ARFRP1: variants seen among roughly 807,000 people sequenced by gnomAD.
ARFRP1 encodes ADP-ribosylation factor-related protein 1.
ARFRP1 carries 19 observed loss-of-function variants against 30.3 expected under a neutral mutation model. The ratio of observed to expected loss-of-function variants is 0.63; its 90% confidence interval spans 0.44 to 0.92. ARFRP1 has a LOEUF of 0.92. Among genes scored for constraint, ARFRP1 ranks in the 40% least tolerant of loss-of-function variants. ARFRP1 has a pLI of 0.00. For synonymous variants in ARFRP1, 133 were observed against 114.2 expected (o/e 1.16, Z -1.05); for missense variants, 245 against 267.5 (o/e 0.92, Z 0.59).
At chr20:63,704,503 A>C (rs1211237625) in intron 4 of ARFRP1, 1 of 152,062 alleles carries the variant, frequency 6.6e-6, no homozygotes, top group Non-Finnish European at 1.5e-5. Context: ...GTGTCTGGAG[A>C]AGGGCTCAGA....
Position 63,698,824 on chromosome 20 carries a change from T to C in ARFRP1, c.*1619A>G. 2 of 361,206 alleles carry C rather than the reference T, an allele frequency of 5.5e-6. No homozygotes were observed. Among genetic ancestry groups the C allele is most frequent in the African/African-American group, 2.1e-5 (1 of 47,104 alleles). The allele number at this position is 361,206 out of a possible 1,614,324, so 22.4% of individuals were successfully genotyped here. A position where few individuals can be genotyped will look rare whatever the true frequency, so the allele number is the denominator to read the frequency against. On this transcript the variant is annotated 3_prime_UTR_variant, in exon 8 of 8. Transcript: ENST00000622789. Reference sequence around the variant, plus strand: ...CTCAGACAGACCCTCCCTGGGAGGATCAGTGGGGAGTGCCACCTCTGCCCC... The same window carrying C: ...CTCAGACAGACCCTCCCTGGGAGGACCAGTGGGGAGTGCCACCTCTGCCCC...
In ARFRP1 at chr20:63,707,110, A is replaced by G. The variant is rs760331612; in HGVS notation, c.-6-13T>C. 8.2e-6 allele frequency: 13 copies of G among 1,590,802 alleles called. No homozygotes were observed. The East Asian group carries it at 2.8e-4, about 34-fold the overall frequency. On this transcript the variant is annotated splice_polypyrimidine_tract_variant and intron_variant, in intron 1 of 7. Transcript: ENST00000622789. The stretch of plus-strand genomic sequence containing the variant: ...TGTACATCCTGCCCTGGGCACCCCA[A>G]CATAGGTCAGTGTGCAGCCAGAAAG...
chr20:63,701,564 C>A, intron 6 of ARFRP1: 1 of 585,186 alleles, frequency 1.7e-6, no homozygotes, highest in South Asian at 2.0e-5. Context: ...GACACGGCCG[C>A]CCTCCTGGGG....
Position 63,700,126 on chromosome 20 carries a change from G to A in ARFRP1, c.*317C>T. 2.5e-6 allele frequency: 1 copy of A among 402,670 alleles called. No homozygotes were observed. The highest frequency in any genetic ancestry group is 4.7e-6 in the Non-Finnish European group (1 of 212,014). The allele number at this position is 402,670 out of a possible 1,614,324, so 24.9% of individuals were successfully genotyped here. A position where few individuals can be genotyped will look rare whatever the true frequency, so the allele number is the denominator to read the frequency against. ...GTCCTCATGCAGCCCAAGCCAGCCT[G>A]AGCACTGGAGCCCCAATTCCCAACC... On this transcript the variant is annotated 3_prime_UTR_variant, in exon 8 of 8. Transcript: ENST00000622789.
At chr20:63,701,533 A>T in intron 6 of ARFRP1, 1 of 565,912 alleles carries the variant, frequency 1.8e-6, no homozygotes, top group East Asian at 3.1e-5. Flanking sequence ...GTGTCCCCAC[A>T]GCTTGGCCAC....
In ARFRP1 at chr20:63,700,171, C is replaced by T. The variant is rs1027045583; in HGVS notation, c.*272G>A. On this transcript the variant is annotated 3_prime_UTR_variant, in exon 8 of 8. Coordinates refer to ENST00000622789, the MANE Select transcript of ARFRP1 (RefSeq NM_001267547.3). ...CCAACCAGGTCTCCCTCAGACCCCCCAGAAAGGGCCTCGAAAGGCCGCCGC... is the reference window on the plus strand; with the variant it reads ...CCAACCAGGTCTCCCTCAGACCCCCTAGAAAGGGCCTCGAAAGGCCGCCGC... 3.6e-5 allele frequency: 17 copies of T among 475,828 alleles called. No individual in the cohort carries two copies. The highest frequency in any genetic ancestry group is 6.0e-4 in the Middle Eastern group (1 of 1,666). 29.5% of individuals were successfully genotyped at this position (475,828 alleles called of 1,614,324 possible). A position where few individuals can be genotyped will look rare whatever the true frequency, so the allele number is the denominator to read the frequency against.
chr20:63,700,619 G>T lies in ARFRP1; in HGVS notation c.501C>A (p.Ala167=). 1 of 1,610,786 alleles carries T rather than the reference G, an allele frequency of 6.2e-7. No individual in the cohort carries two copies. The highest frequency in any genetic ancestry group is 8.5e-7 in the Non-Finnish European group (1 of 1,179,840). Residue 167 remains alanine, a synonymous_variant, in exon 7 of 8, where the codon GCC becomes GCA. Coordinates refer to ENST00000622789, the MANE Select transcript of ARFRP1 (RefSeq NM_001267547.3). ...KIGRRDCLTQ[A]CSALTGKGVR... ...CCACTCACCCTGTGAGGGCCGAGCA[G>T]GCCTGGGTCAGGCAATCTCGCCTGC...
At chr20:63,700,824 G>T in intron 6 of ARFRP1, 122 bp from the exon 7 acceptor site, 1 of 1,333,758 alleles carries the variant, frequency 7.5e-7, no homozygotes, top group Non-Finnish European at 1.0e-6. Flanking sequence ...CTCCACCAGG[G>T]TCCCAGTGTC....
At chr20:63,701,316 G>T in intron 6 of ARFRP1, 1 of 532,390 alleles carries the variant, frequency 1.9e-6, no homozygotes, top group South Asian at 1.4e-5. Context: ...GGCTGCTTCT[G>T]TGCAAAGCCA....
At chr20:63,704,744 G>A (rs1236832009) in intron 4 of ARFRP1, 1 of 152,276 alleles carries the variant, frequency 6.6e-6, no homozygotes, top group Non-Finnish European at 1.5e-5. Context: ...GGCATCTCTG[G>A]CCCCACTGTA....
chr20:63,706,853 T>G (rs2091496634), intron 2 of ARFRP1, 115 bp from the exon 3 acceptor site: 2 of 1,267,418 alleles, frequency 1.6e-6, no homozygotes, highest in African/African-American at 2.9e-5. Flanking sequence ...AACACTCTGC[T>G]CTTCAGGAGG....
chr20:63,706,223 G>A (rs1020248392), intron 4 of ARFRP1, 134 bp downstream of exon 4: 15 of 830,442 alleles, frequency 1.8e-5, no homozygotes, highest in Non-Finnish European at 2.7e-5. Flanking sequence ...TCGGGAACCT[G>A]GGACAGGACC....
At chr20:63,707,358 T>G in intron 1 of ARFRP1, 2 of 406,564 alleles carry the variant, frequency 4.9e-6, no homozygotes, top group Non-Finnish European at 9.1e-6. Flanking sequence ...CTCGCGGGAC[T>G]ACCCAGCCGG....
intron 4 of ARFRP1, chr20:63,704,980 T>G (rs2091386574): frequency 6.5e-6 from 1 of 152,692 alleles, no homozygotes; most frequent in Non-Finnish European, 1.5e-5. Flanking sequence ...ACCACAGCTC[T>G]GTGGATCCTG....
chr20:63,706,979 G>A lies in ARFRP1; in HGVS notation c.93+20C>T, dbSNP rs1040617964. 2 of 1,612,436 alleles carry A rather than the reference G, an allele frequency of 1.2e-6. No homozygotes were observed. The highest frequency in any genetic ancestry group is 1.7e-6 in the Non-Finnish European group (2 of 1,179,322). Reference sequence around the variant, plus strand: ...CCGCCAGGCCGTGGGAAAGGTGCGCGCAAGGGCGTGGGCACTCACCGTCTT... The same window carrying A: ...CCGCCAGGCCGTGGGAAAGGTGCGCACAAGGGCGTGGGCACTCACCGTCTT... On this transcript the variant is annotated intron_variant, in intron 2 of 7. Transcript: ENST00000622789.
At position 63,701,579 on chromosome 20, in the gene ARFRP1, G is replaced by A. The variant is rs1014077844; in HGVS notation, c.417+251C>T. 2.9e-5 allele frequency: 17 copies of A among 591,164 alleles called. No individual in the cohort carries two copies. In the Admixed American group the frequency reaches 3.5e-4, roughly 12 times the overall value. 36.6% of individuals were successfully genotyped at this position (591,164 alleles called of 1,614,324 possible). ...GACACGGCCGCCCTCCTGGGGAGAG[G>A]TGCCCTGCATAGCAGGAAGAGGCCT... On this transcript the variant is annotated intron_variant, in intron 6 of 7. Transcript: ENST00000622789.
At chr20:63,701,998 G>GCTC in intron 5 of ARFRP1, 98 bp from the exon 6 acceptor site, 1 of 583,916 alleles carries the variant, frequency 1.7e-6, no homozygotes, top group South Asian at 2.1e-5. Context: ...CACTCCCTCT[G>GCTC]CCCCCCCCCC....
chr20:63,701,438 C>T (rs751265125), intron 6 of ARFRP1: 1 of 494,892 alleles, frequency 2.0e-6, no homozygotes, highest in South Asian at 1.6e-5. Flanking sequence ...ATGCCACCTC[C>T]AAGGGTAGCA....
rs1568744582 is a variant in ARFRP1 at position 63,700,313 on chromosome 20, G to A, written c.*130C>T. ...GACATAGAGGAAAGTTTGTCTTCGA[G>A]AAAACAAAGTAAATAGAAGAACCCC... On this transcript the variant is annotated 3_prime_UTR_variant, in exon 8 of 8. Transcript: ENST00000622789. 2 of 1,354,812 alleles carry A rather than the reference G, an allele frequency of 1.5e-6. No homozygotes were observed. The highest frequency in any genetic ancestry group is 2.0e-6 in the Non-Finnish European group (2 of 998,928). 83.9% of individuals were successfully genotyped at this position (1,354,812 alleles called of 1,614,324 possible).
Sources: allele counts gnomAD v4.1 joint callset, GRCh38; gene constraint gnomAD v4.1.1; transcripts MANE v1.5; gene names NCBI Gene and HGNC (gene_info 2026-07-23, HGNC 2026-07-21).